ITPA: variants seen among roughly 807,000 people sequenced by gnomAD.
ITPA encodes inosine triphosphatase.
ITPA carries 29 observed loss-of-function variants against 29.6 expected under a neutral mutation model. The observed-to-expected ratio is 0.98, with a 90% CI of 0.73 to 1.34. The LOEUF is 1.34. ITPA is among the 40% of genes most tolerant of loss of function. ITPA has a pLI of 0.00. For missense variants in ITPA, 241 were observed against 251.5 expected (o/e 0.96, Z 0.28); for synonymous variants, 103 against 99.3 (o/e 1.04, Z -0.22).
At chr20:3,206,330 G>A (rs2067069918), upstream of ITPA, among the ~76,000 whole-genome samples, 2 of 143,914 alleles carry the variant, frequency 1.4e-5, no homozygotes, top group Non-Finnish European at 3.0e-5. Flanking sequence ...AGAGGTTGCA[G>A]TGAGCCGAGA....
upstream of ITPA, among the ~76,000 whole-genome samples, chr20:3,205,630 G>T (rs1372172081): frequency 6.6e-6 from 1 of 152,130 alleles, no homozygotes; most frequent in African/African-American, 2.4e-5. Context: ...AGCCCAGGGA[G>T]GTCGAGGCTG....
At chr20:3,213,025 G>A in intron 1 of ITPA, 144 bp from the exon 2 acceptor site, 1 of 829,372 alleles carries the variant, frequency 1.2e-6, no homozygotes, top group Non-Finnish European at 2.0e-6. Flanking sequence ...GACCCTGAAA[G>A]CCGGGGTGAG....
chr20:3,226,159 CA>C (rs993213053), downstream of ITPA, among the ~76,000 whole-genome samples: 73 of 152,294 alleles, frequency 4.8e-4, no homozygotes, highest in African/African-American at 1.7e-3. This position sits in a 1 kb window ranked among gnomAD's most constrained non-coding sequence, Gnocchi z 4.4. Context: ...TCTGCAGGCC[CA>C]GACCTCAGAC....
chr20:3,204,747 A>G (rs2067059237), upstream of ITPA: 2 of 939,368 alleles, frequency 2.1e-6, no homozygotes, highest in Non-Finnish European at 1.6e-6. Flanking sequence ...GCGGCACATC[A>G]CAGAGAGGCT....
downstream of ITPA, among the ~76,000 whole-genome samples, chr20:3,225,930 G>A (rs970389454): frequency 3.9e-5 from 6 of 152,164 alleles, no homozygotes; most frequent in African/African-American, 1.4e-4. Context: ...TTGGGAGGCT[G>A]GGGCATGAGA....
intron 6 of ITPA, among the ~76,000 whole-genome samples, chr20:3,221,137 C>T (rs1296870957): frequency 1.3e-5 from 2 of 152,050 alleles, no homozygotes; most frequent in Non-Finnish European, 2.9e-5. Flanking sequence ...AGTGATCTTC[C>T]CACCTCAGCC....
chr20:3,204,622 C>T (rs753485446), upstream of ITPA: 8 of 1,585,528 alleles, frequency 5.0e-6, no homozygotes, highest in Non-Finnish European at 6.8e-6. Context: ...ACACAGGCGC[C>T]ACCATGACGA....
intron 1 of ITPA, among the ~76,000 whole-genome samples, chr20:3,212,583 A>T (rs2067198785): frequency 6.6e-6 from 1 of 152,216 alleles, no homozygotes; most frequent in African/African-American, 2.4e-5. Flanking sequence ...GGCCTCCAAA[A>T]GTGCTAAGAT....
chr20:3,220,512 C>A (rs2067434319), intron 6 of ITPA, among the ~76,000 whole-genome samples: 1 of 152,030 alleles, frequency 6.6e-6, no homozygotes, highest in African/African-American at 2.4e-5. Flanking sequence ...TGTGACTAAT[C>A]CCAATCATGT....
At chr20:3,217,647 T>C (rs2067337868) in intron 5 of ITPA, among the ~76,000 whole-genome samples, 1 of 152,072 alleles carries the variant, frequency 6.6e-6, no homozygotes, top group Non-Finnish European at 1.5e-5. Context: ...TTTTGTGTTT[T>C]TTGTAGAGGT....
upstream of ITPA, among the ~76,000 whole-genome samples, chr20:3,206,786 G>A (rs1490950685): frequency 6.7e-6 from 1 of 149,540 alleles, no homozygotes; most frequent in African/African-American, 2.5e-5. Context: ...AGCTGAGATC[G>A]CGCCACTGCA....
At chr20:3,218,955 AG>A (rs1249693277) in intron 6 of ITPA, 1 of 424,074 alleles carries the variant, frequency 2.4e-6, no homozygotes, top group African/African-American at 2.0e-5. Context: ...GTTGGCTAAC[AG>A]CTCCTGAGGC....
At chr20:3,204,674 A>C (rs973389512), upstream of ITPA, 2 of 1,527,234 alleles carry the variant, frequency 1.3e-6, no homozygotes, top group Non-Finnish European at 1.8e-6. Flanking sequence ...TGAGGCCGGG[A>C]TCTCATAGGC....
At position 3,216,157 on chromosome 20, in the gene ITPA, GT is replaced by G. The variant is rs71331043; in HGVS notation, c.295+865del. On this transcript the variant is annotated intron_variant, in intron 5 of 7. Coordinates refer to ENST00000380113, the MANE Select transcript of ITPA (RefSeq NM_033453.4). ...AGGCATGCGCCAGCACGCTGGCTAA[GT>G]TTTTTTTTTTTTTTTTTTTGAGACA... 7.0e-3 allele frequency among the ~76,000 whole-genome samples: 768 copies of G among 109,240 alleles called. 6 individuals carry two copies. Among genetic ancestry groups the G allele is most frequent in the African/African-American group, 0.02 (533 of 26,102 alleles). 71.7% of individuals were successfully genotyped at this position (109,240 alleles called of 152,430 possible).
intron 4 of ITPA, 42 bp from the exon 5 acceptor site, chr20:3,215,239 C>T: frequency 2.5e-6 from 4 of 1,605,886 alleles, no homozygotes; most frequent in Non-Finnish European, 3.4e-6. Context: ...TAAGAAGATC[C>T]AGCTGCTCCT....
chr20:3,223,403 T>C lies in ITPA; in HGVS notation c.526T>C (p.Ser176Pro), dbSNP rs959247434. The change falls in exon 8 of 8, where the codon TCC becomes CCC. Residue 176 changes from serine to proline, a missense_variant. By Grantham distance (74) the Ser-to-Pro change is moderately conservative (BLOSUM62 -1). Transcript: ENST00000380113. ...EMPKAEKNAV[S>P]HRFRALLELQ... is the part of the protein sequence containing the mutation. Reference sequence around the variant, plus strand: ...GCCTAAGGCGGAGAAGAACGCTGTCTCCCATCGCTTCCGGGCCCTGCTGGA... The same window carrying C: ...GCCTAAGGCGGAGAAGAACGCTGTCCCCCATCGCTTCCGGGCCCTGCTGGA... 1 of 1,613,906 alleles carries C rather than the reference T, an allele frequency of 6.2e-7. No individual in the cohort carries two copies.
At chr20:3,223,186 G>A (rs1296363825) in intron 7 of ITPA, among the ~76,000 whole-genome samples, 180 bp from the exon 8 acceptor site, 2 of 152,340 alleles carry the variant, frequency 1.3e-5, no homozygotes, top group Non-Finnish European at 2.9e-5. Context: ...GCCTACAGGG[G>A]AATTGAAAAC....
chr20:3,216,380 A>C (rs1166793200), intron 5 of ITPA, among the ~76,000 whole-genome samples: 1 of 149,974 alleles, frequency 6.7e-6, no homozygotes, highest in African/African-American at 2.5e-5. Context: ...GGATGGTCTC[A>C]ATCTTCTGAC....
upstream of ITPA, among the ~76,000 whole-genome samples, chr20:3,205,394 T>A (rs2067063861): frequency 2.6e-5 from 4 of 152,136 alleles, no homozygotes; most frequent in Admixed American, 6.6e-5. Context: ...AAGCTTTTTG[T>A]ATACATGATA....
Sources: gnomAD v4.1 joint callset for allele counts (sites outside exome capture counted in the v4.1 genomes callset) on GRCh38, gnomAD v4.1.1 for gene constraint, Gnocchi (gnomAD v3.1) non-coding constraint, MANE v1.5 for transcripts, NCBI Gene and HGNC (gene_info 2026-07-23, HGNC 2026-07-21) for gene names.